The following JADE2 variants were observed in gnomAD, a reference collection of about 807,000 sequenced individuals.
JADE2 encodes the protein jade family PHD finger 2.
Under a neutral mutation model 85.7 loss-of-function variants are expected in JADE2, and 13 were observed. The observed-to-expected ratio is 0.15, with a 90% CI of 0.10 to 0.24. The LOEUF (loss-of-function observed/expected upper bound fraction) is 0.24. JADE2 is among the 10% of genes least tolerant of loss of function. The pLI, the probability that JADE2 is intolerant of heterozygous loss-of-function variation, is 1.00. For missense variants in JADE2, 846 were observed against 1,115.9 expected, an observed-to-expected ratio of 0.76 and a Z score of 3.45; for synonymous variants, 440 against 456.1, an observed-to-expected ratio of 0.96 and a Z score of 0.45.
intron 3 of JADE2, among the ~76,000 whole-genome samples, chr5:134,539,716 C>A (rs938529307): frequency 6.6e-6 from 1 of 152,254 alleles, no homozygotes; most frequent in Non-Finnish European, 1.5e-5. Context: ...GCGGGGCCCT[C>A]GTCATGGGTT....
chr5:134,532,576 C>T (rs371225664), intron 1 of JADE2, among the ~76,000 whole-genome samples: 6 of 152,248 alleles, frequency 3.9e-5, no homozygotes, highest in South Asian at 2.1e-4. Context: ...TTTCTGTCCT[C>T]GAAAGCAAGT....
rs572427502 is a variant in JADE2 at position 134,540,567 on chromosome 5, A to G, written c.153+2484A>G. 2.0e-5 allele frequency among the ~76,000 whole-genome samples: 3 copies of G among 152,150 alleles called. No homozygotes were observed. The East Asian group carries it at 5.8e-4, about 29-fold the overall frequency. ...GTCTTGAGAACTACAGGGACTCCCC[A>G]GTTGCTGTGGTTGAAGTAGTAAAAC... On this transcript the variant is annotated intron_variant, in intron 3 of 11. Coordinates refer to ENST00000681547, the MANE Select transcript of JADE2 (RefSeq NM_001388185.1).
At chr5:134,536,467 A>T (rs1761592670) in intron 2 of JADE2, among the ~76,000 whole-genome samples, 2 of 152,284 alleles carry the variant, frequency 1.3e-5, no homozygotes, top group South Asian at 4.1e-4. Context: ...CCAGAGGTAG[A>T]CTTGTGTATG....
At chr5:134,553,661 G>A (rs1561743542) in intron 4 of JADE2, among the ~76,000 whole-genome samples, 1 of 152,202 alleles carries the variant, frequency 6.6e-6, no homozygotes, top group Admixed American at 6.5e-5. Context: ...CGTAAGCCAT[G>A]CTTTTGACAT....
At chr5:134,575,817 A>G (rs1018688718) in intron 10 of JADE2, 1 of 151,952 alleles carries the variant, frequency 6.6e-6, no homozygotes, top group African/African-American at 2.4e-5. Flanking sequence ...GCTTGAGCCC[A>G]GTAGTTTGAG....
chr5:134,539,263 C>T (rs2149887210), intron 3 of JADE2, among the ~76,000 whole-genome samples: 1 of 152,232 alleles, frequency 6.6e-6, no homozygotes, highest in South Asian at 2.1e-4. Flanking sequence ...CGGGGTTTCA[C>T]CGTGTTAGCC....
Position 134,578,304 on chromosome 5 carries a change from G to A in JADE2, c.1682-190G>A, listed in dbSNP as rs936600043. ...GCAGCACGTCCTTCTGGAGAGAAGC[G>A]TATAAGTAGTCCCTACTCTTTGGTG... On this transcript the variant is annotated intron_variant, in intron 11 of 11. Transcript: ENST00000681547. The surrounding 1 kb of genome is among the most constrained non-coding windows in gnomAD (Gnocchi z 4.4). Among the ~76,000 whole-genome samples, 7 of 152,206 alleles carry A rather than the reference G, an allele frequency of 4.6e-5. No individual in the cohort carries two copies. The highest frequency in any genetic ancestry group is 8.8e-5 in the Non-Finnish European group (6 of 68,036).
At position 134,566,687 on chromosome 5, in the gene JADE2, G is replaced by C; in HGVS notation, c.1434+107G>C. ...GCTAGGACTCACCAGGACTCAAACT[G>C]TGAGCTCTGGTGGACCGGCCCTGCT... is the stretch of plus-strand genomic sequence containing the variant. On this transcript the variant is annotated intron_variant, in intron 9 of 11. Transcript: ENST00000681547. The surrounding 1 kb of genome is among the most constrained non-coding windows in gnomAD (Gnocchi z 6.7). 1 of 842,200 alleles carries C rather than the reference G, an allele frequency of 1.2e-6. No homozygotes were observed. Among genetic ancestry groups the C allele is most frequent in the South Asian group, 1.8e-5 (1 of 55,782 alleles). 52.2% of individuals were successfully genotyped at this position (842,200 alleles called of 1,614,324 possible).
At chr5:134,557,349 A>G (rs1277370182) in intron 4 of JADE2, among the ~76,000 whole-genome samples, 3 of 146,564 alleles carry the variant, frequency 2.0e-5, no homozygotes, top group Non-Finnish European at 3.0e-5. Context: ...AAAGTGTTCA[A>G]ATTCAGTCTT....
intron 2 of JADE2, among the ~76,000 whole-genome samples, chr5:134,536,449 A>G (rs540744181): frequency 1.3e-5 from 2 of 152,312 alleles, no homozygotes; most frequent in African/African-American, 4.8e-5. Context: ...AATCTTGGCA[A>G]TAGAATCCCA....
At chr5:134,536,490 A>G (rs1190367704) in intron 2 of JADE2, among the ~76,000 whole-genome samples, 2 of 152,178 alleles carry the variant, frequency 1.3e-5, no homozygotes, top group South Asian at 4.1e-4. Context: ...TTGGCATGTC[A>G]ATTGGACGTG....
chr5:134,578,193 C>T lies in JADE2; in HGVS notation c.1682-301C>T, dbSNP rs1003644642. Among the ~76,000 whole-genome samples, 11 of 152,232 alleles carry T rather than the reference C, an allele frequency of 7.2e-5. No homozygotes were observed. The highest frequency in any genetic ancestry group is 2.1e-4 in the South Asian group (1 of 4,834). On this transcript the variant is annotated intron_variant, in intron 11 of 11. Coordinates refer to ENST00000681547, the MANE Select transcript of JADE2 (RefSeq NM_001388185.1). The surrounding 1 kb of genome is among the most constrained non-coding windows in gnomAD (Gnocchi z 4.4). The stretch of plus-strand genomic sequence containing the variant: ...AAACTAAAAGAGCTATAACACTCCA[C>T]CTTGAAATTCTTAATAATATTTGAA...
chr5:134,534,427 G>C (rs4958249), intron 1 of JADE2, among the ~76,000 whole-genome samples: 17,875 of 151,976 alleles, frequency 0.12, 1,162 homozygotes, highest in East Asian at 0.17. Context: ...GAAGCTGGGC[G>C]GCAGGCAGCC....
chr5:134,534,540 C>T (rs956979043), intron 1 of JADE2, among the ~76,000 whole-genome samples: 6 of 152,106 alleles, frequency 3.9e-5, no homozygotes, highest in African/African-American at 9.7e-5. Context: ...CCATCCTGGT[C>T]AGCTGAGAGA....
rs116340606 is a variant in JADE2 at position 134,533,881 on chromosome 5, G to A, written c.1-1977G>A. Among the ~76,000 whole-genome samples, 905 of 152,032 alleles carry A rather than the reference G, an allele frequency of 6.0e-3. 7 individuals carry two copies. Among genetic ancestry groups the A allele is most frequent in the Middle Eastern group, 0.014 (4 of 294 alleles). ...CTCACCTCAGCCTCCTGCATAGCTA[G>A]GACCTCAGGCATGTGCCACTACAAC... is the stretch of plus-strand genomic sequence containing the variant. On this transcript the variant is annotated intron_variant, in intron 1 of 11. Transcript: ENST00000681547.
In JADE2 at chr5:134,559,914, A is replaced by G. The variant is rs749909598; in HGVS notation, c.396A>G (p.Pro132=). The change falls in exon 5 of 12, where the codon CCA becomes CCG. Residue 132 remains proline (P), a synonymous_variant. Transcript: ENST00000681547. ...MLGEGSQPDW[P]GGSRYDLDEI... ...GTGAGGGCTCCCAGCCTGATTGGCC[A>G]GGGGGCAGCCGCTATGACTTGGACG... 17 of 1,613,788 alleles carry G rather than the reference A, an allele frequency of 1.1e-5. No homozygotes were observed. The African/African-American group carries it at 1.2e-4, about 11-fold the overall frequency.
intron 1 of JADE2, among the ~76,000 whole-genome samples, chr5:134,531,883 CTTTTTT>C (rs1160758941): frequency 1.2e-3 from 48 of 38,472 alleles, no homozygotes; most frequent in African/African-American, 4.4e-3. Context: ...CCGTGCCTGG[CTTTTTT>C]TTTTTTTTTT....
chr5:134,549,769 T>G (rs1762500130), intron 3 of JADE2, among the ~76,000 whole-genome samples: 1 of 152,234 alleles, frequency 6.6e-6, no homozygotes, highest in South Asian at 2.1e-4. Flanking sequence ...AGGGTTGATT[T>G]CTGGGGCAGA....
chr5:134,567,939 C>T (rs1763750652), intron 9 of JADE2, among the ~76,000 whole-genome samples: 1 of 152,232 alleles, frequency 6.6e-6, no homozygotes, highest in Non-Finnish European at 1.5e-5. Flanking sequence ...CCAGCCCAGC[C>T]TCCTGTCACA....
Sources: allele counts gnomAD v4.1 joint callset (sites outside exome capture counted in the v4.1 genomes callset), GRCh38; gene constraint gnomAD v4.1.1; non-coding constraint Gnocchi (gnomAD v3.1); transcripts MANE v1.5; gene names NCBI Gene and HGNC (gene_info 2026-07-23, HGNC 2026-07-21).